CSGALNACT1: variants seen among roughly 807,000 people sequenced by gnomAD.
CSGALNACT1 encodes the protein beta4GalNAcT-1.
In CSGALNACT1, 52 loss-of-function variants were observed where a neutral mutation model predicts 51.0. The observed-to-expected ratio is 1.02, with a 90% CI of 0.82 to 1.29. The LOEUF is 1.29. Among genes scored for constraint, CSGALNACT1 ranks in the 50% most tolerant of loss-of-function variants. CSGALNACT1 has a pLI of 0.00. For synonymous variants in CSGALNACT1, 341 were observed against 254.4 expected, an observed-to-expected ratio of 1.34 and a Z score of -3.24; for missense variants, 935 against 679.2, an observed-to-expected ratio of 1.38 and a Z score of -4.19.
intron 3 of CSGALNACT1, among the ~76,000 whole-genome samples, chr8:19,567,787 G>T (rs1205739935): frequency 1.3e-5 from 2 of 152,066 alleles, no homozygotes; most frequent in Non-Finnish European, 2.9e-5. Context: ...ATTAATAAGA[G>T]TTTAACAACG....
intron 3 of CSGALNACT1, among the ~76,000 whole-genome samples, chr8:19,534,177 T>C (rs188202022): frequency 6.6e-6 from 1 of 152,170 alleles, no homozygotes; most frequent in East Asian, 1.9e-4. Flanking sequence ...TGAGGCCGGG[T>C]GTGGTGGTTC....
At chr8:19,629,659 T>A (rs1216580905) in intron 1 of CSGALNACT1, among the ~76,000 whole-genome samples, 1 of 152,182 alleles carries the variant, frequency 6.6e-6, no homozygotes, top group African/African-American at 2.4e-5. Context: ...TAAAACTGCA[T>A]CAAATAATTA....
chr8:19,467,004 C>T (rs1188609007), intron 4 of CSGALNACT1, among the ~76,000 whole-genome samples: 1 of 151,600 alleles, frequency 6.6e-6, no homozygotes, highest in Non-Finnish European at 1.5e-5. Flanking sequence ...TTGTTTATGT[C>T]ATAGATGCAG....
At chr8:19,724,875 T>C (rs997220536) in intron 1 of CSGALNACT1, among the ~76,000 whole-genome samples, 3 of 152,190 alleles carry the variant, frequency 2.0e-5, no homozygotes, top group Non-Finnish European at 4.4e-5. Context: ...GTGCCACATG[T>C]GCTTGGTGGC....
intron 1 of CSGALNACT1, among the ~76,000 whole-genome samples, chr8:19,748,315 TG>T (rs1327808309): frequency 6.6e-6 from 1 of 152,230 alleles, no homozygotes; most frequent in Non-Finnish European, 1.5e-5. Context: ...AAGGGATTTC[TG>T]GGATTAGTTT....
At chr8:19,420,259 G>A in intron 7 of CSGALNACT1, 81 bp downstream of exon 6, 1 of 1,259,828 alleles carries the variant, frequency 7.9e-7, no homozygotes, top group South Asian at 1.2e-5. Context: ...GGACATCAGA[G>A]TGACTGACCC....
At position 19,666,972 on chromosome 8, in the gene CSGALNACT1, A is replaced by G. The variant is rs192479772; in HGVS notation, c.-544+15501T>C. ...GAAAGAAAGAAAGAAAGAAAGAAAGAAAGAAAGAAAGAAAGAAAGAAAGAA... is the reference window on the plus strand; with the variant it reads ...GAAAGAAAGAAAGAAAGAAAGAAAGGAAGAAAGAAAGAAAGAAAGAAAGAA... On this transcript the variant is annotated intron_variant, in intron 1 of 9. Coordinates refer to the CSGALNACT1 transcript ENST00000332246. Among the ~76,000 whole-genome samples, 4 of 8,514 alleles carry G rather than the reference A, an allele frequency of 4.7e-4. 1 individual carries two copies. The highest frequency in any genetic ancestry group is 3.5e-3 in the African/African-American group (4 of 1,154). 5.6% of individuals were successfully genotyped at this position (8,514 alleles called of 152,430 possible).
At chr8:19,752,145 T>TGTAC (rs10679445) in intron 1 of CSGALNACT1, among the ~76,000 whole-genome samples, 2 of 146,330 alleles carry the variant, frequency 1.4e-5, no homozygotes, top group African/African-American at 2.5e-5. Context: ...TTATATGATA[T>TGTAC]TATATGACAT....
chr8:19,535,686 C>T (rs376906563), intron 3 of CSGALNACT1, among the ~76,000 whole-genome samples: 51 of 152,226 alleles, frequency 3.4e-4, no homozygotes, highest in African/African-American at 1.2e-3. Flanking sequence ...TCCATTTAAT[C>T]TGATGTAATA....
intron 3 of CSGALNACT1, among the ~76,000 whole-genome samples, chr8:19,523,082 T>C (rs996291077): frequency 6.6e-6 from 1 of 152,114 alleles, no homozygotes; most frequent in Non-Finnish European, 1.5e-5. Flanking sequence ...TTACCACCAC[T>C]GCATTGCAAA....
At chr8:19,526,191 G>A (rs773582432) in intron 3 of CSGALNACT1, among the ~76,000 whole-genome samples, 35 of 152,196 alleles carry the variant, frequency 2.3e-4, no homozygotes, top group Non-Finnish European at 3.5e-4. Context: ...AAAGGGACAT[G>A]GGATTGGGAG....
intron 4 of CSGALNACT1, among the ~76,000 whole-genome samples, chr8:19,490,644 T>A (rs2074168256): frequency 6.6e-6 from 1 of 152,184 alleles, no homozygotes; most frequent in Non-Finnish European, 1.5e-5. Flanking sequence ...CTCTCCAGCT[T>A]GGACACCTGT....
intron 4 of CSGALNACT1, among the ~76,000 whole-genome samples, chr8:19,478,554 G>A (rs1402537428): frequency 6.6e-6 from 1 of 152,142 alleles, no homozygotes; most frequent in African/African-American, 2.4e-5. Flanking sequence ...TATCACTTGA[G>A]GGAGTATGAT....
At chr8:19,538,532 C>G (rs1287536107) in intron 3 of CSGALNACT1, among the ~76,000 whole-genome samples, 3 of 151,994 alleles carry the variant, frequency 2.0e-5, no homozygotes, top group African/African-American at 7.3e-5. Flanking sequence ...GACCTCATGT[C>G]GAACGCAGGA....
chr8:19,706,678 T>C (rs941555858), intron 1 of CSGALNACT1, among the ~76,000 whole-genome samples: 1 of 152,168 alleles, frequency 6.6e-6, no homozygotes, highest in African/African-American at 2.4e-5. Flanking sequence ...CCTCCTTGTG[T>C]GTGAAGCCCA....
chr8:19,739,749 G>A (rs964224068), intron 1 of CSGALNACT1, among the ~76,000 whole-genome samples: 1 of 152,190 alleles, frequency 6.6e-6, no homozygotes, highest in Non-Finnish European at 1.5e-5. Context: ...CTATTCCTAG[G>A]ATGTGGGAGC....
intron 1 of CSGALNACT1, among the ~76,000 whole-genome samples, chr8:19,666,809 A>AAGAGAGAGAGAG (rs375633259): frequency 2.0e-4 from 5 of 25,108 alleles, no homozygotes; most frequent in African/African-American, 1.0e-3. Context: ...GAAAGAAAGA[A>AAGAGAGAGAGAG]AGAGAGAGAG....
At chr8:19,638,414 G>T (rs1175372424) in intron 1 of CSGALNACT1, among the ~76,000 whole-genome samples, 5 of 151,986 alleles carry the variant, frequency 3.3e-5, no homozygotes, top group Admixed American at 2.0e-4. Context: ...ACCTAACCTT[G>T]GACCTCGCCT....
intron 1 of CSGALNACT1, among the ~76,000 whole-genome samples, chr8:19,638,258 G>C (rs563147755): frequency 1.3e-5 from 2 of 150,122 alleles, no homozygotes; most frequent in Admixed American, 1.3e-4. Flanking sequence ...TTGGGCTTGA[G>C]AGGCTGCCCT....
Sources: gnomAD v4.1 joint callset for allele counts (sites outside exome capture counted in the v4.1 genomes callset) on GRCh38, gnomAD v4.1.1 for gene constraint, MANE v1.5 for transcripts, NCBI Gene and HGNC (gene_info 2026-07-23, HGNC 2026-07-21) for gene names.